Variants in PDCD10 observed in about 807,000 individuals in gnomAD.
PDCD10 encodes programmed cell death protein 10.
PDCD10 carries 4 observed loss-of-function variants against 29.2 expected under a neutral mutation model. The ratio of observed to expected loss-of-function variants is 0.14; its 90% CI spans 0.07 to 0.31. The LOEUF (loss-of-function observed/expected upper bound fraction) is 0.31, where lower values mean the gene tolerates loss of function less well. PDCD10 is among the 10% of genes least tolerant of loss of function. The pLI is 1.00. For missense variants in PDCD10, 183 were observed against 257.9 expected, an observed-to-expected ratio of 0.71 and a Z score of 1.99; for synonymous variants, 70 against 82.2, an observed-to-expected ratio of 0.85 and a Z score of 0.80.
intron 3 of PDCD10, among the ~76,000 whole-genome samples, chr3:167,713,955 G>C (rs1722764764): frequency 6.6e-6 from 1 of 151,966 alleles, no homozygotes; most frequent in Admixed American, 6.6e-5. Context: ...TGGCTTCACT[G>C]CTGAATTCTG....
rs778262429 is a variant in PDCD10 at position 167,684,175 on chromosome 3, T to C, written c.*133A>G. ...ACAAAAATATGGTGTAAGATGGCAA[T>C]AATCCCATTCAACATCCTGGATTAG... On this transcript the variant is annotated 3_prime_UTR_variant, in exon 9 of 9. Coordinates refer to ENST00000392750, the MANE Select transcript of PDCD10 (RefSeq NM_007217.4). The C allele has an allele frequency of 7.6e-6, 5 of 659,094 alleles. No individual in the cohort carries two copies. The highest frequency in any genetic ancestry group is 1.4e-5 in the Non-Finnish European group (5 of 356,302). The allele number at this position is 659,094 out of a possible 1,614,324, so 40.8% of individuals were successfully genotyped here. A position where few individuals can be genotyped will look rare whatever the true frequency, so the allele number is the denominator to read the frequency against.
At chr3:167,685,456 AATCC>A (rs1719514348) in intron 8 of PDCD10, among the ~76,000 whole-genome samples, 4 of 151,852 alleles carry the variant, frequency 2.6e-5, no homozygotes, top group Admixed American at 2.6e-4. Flanking sequence ...AATCAATGCA[AATCC>A]ATCCCCCTAC....
chr3:167,721,492 T>C (rs945139178), intron 2 of PDCD10, among the ~76,000 whole-genome samples: 1 of 152,206 alleles, frequency 6.6e-6, no homozygotes, highest in Non-Finnish European at 1.5e-5. Flanking sequence ...AGGTATGAAG[T>C]GCAGTTCCTA....
chr3:167,696,477 A>G (rs1191976497), intron 5 of PDCD10, among the ~76,000 whole-genome samples: 3 of 152,340 alleles, frequency 2.0e-5, no homozygotes, highest in African/African-American at 4.8e-5. Context: ...CTGGGAAATT[A>G]TATGTCCATA....
rs1307939409 is a variant in PDCD10 at position 167,684,376 on chromosome 3, A to T, written c.571T>A (p.Phe191Ile). ...TGAATTAGTCGGTTGGCACTTACGA[A>T]CACATTTATTGCCCTGTTTAAAAAG... Reference protein sequence around the residue: ...YFKDGKAINVFVSANRLIHQT... With the variant: ...YFKDGKAINVIVSANRLIHQT... The change falls in exon 9 of 9, where the codon TTC becomes ATC. Residue 191 changes from phenylalanine to isoleucine, a missense_variant. Physicochemically the swap from Phe to Ile is conservative, Grantham distance 21 (BLOSUM62 0). Coordinates refer to ENST00000392750, the MANE Select transcript of PDCD10 (RefSeq NM_007217.4). The T allele has an allele frequency of 6.9e-6, 11 of 1,596,272 alleles. No homozygotes were observed. The highest frequency in any genetic ancestry group is 9.4e-6 in the Non-Finnish European group (11 of 1,164,216).
chr3:167,732,125 T>A (rs745544555), intron 2 of PDCD10, among the ~76,000 whole-genome samples: 12 of 152,202 alleles, frequency 7.9e-5, no homozygotes, highest in Non-Finnish European at 1.0e-4. Flanking sequence ...CTTCTTCTCA[T>A]GTAAATAATC....
At chr3:167,724,745 C>G (rs1173741898) in intron 2 of PDCD10, among the ~76,000 whole-genome samples, 3 of 152,112 alleles carry the variant, frequency 2.0e-5, no homozygotes, top group African/African-American at 7.2e-5. Context: ...ATCACTGGAA[C>G]CAAAATTCAG....
chr3:167,722,873 C>T (rs549522419), intron 2 of PDCD10, among the ~76,000 whole-genome samples: 1 of 152,262 alleles, frequency 6.6e-6, no homozygotes, highest in African/African-American at 2.4e-5. Flanking sequence ...TAAATACTGG[C>T]ATTTAATATT....
intron 2 of PDCD10, among the ~76,000 whole-genome samples, chr3:167,728,232 T>C (rs891101620): frequency 1.3e-4 from 18 of 136,610 alleles, no homozygotes; most frequent in Admixed American, 1.2e-3. Context: ...TGTGCAGTTC[T>C]CAATAAAAAA....
rs151267430 is a variant in PDCD10 at position 167,684,373 on chromosome 3, C to A, written c.574G>T (p.Val192Leu). Reference sequence around the variant, plus strand: ...TGATGAATTAGTCGGTTGGCACTTACGAACACATTTATTGCCCTGTTTAAA... The same window carrying A: ...TGATGAATTAGTCGGTTGGCACTTAAGAACACATTTATTGCCCTGTTTAAA... Reference protein sequence around the residue: ...FKDGKAINVFVSANRLIHQTN... With the variant: ...FKDGKAINVFLSANRLIHQTN... Residue 192 changes from valine to leucine, a missense_variant, in exon 9 of 9, where the codon GTA (valine) becomes TTA (leucine). Transcript: ENST00000392750. 2 of 1,597,752 alleles carry A rather than the reference C, an allele frequency of 1.3e-6. No individual in the cohort carries two copies. The highest frequency in any genetic ancestry group is 2.2e-5 in the East Asian group (1 of 44,626).
At chr3:167,702,151 A>G (rs1482387953) in intron 4 of PDCD10, among the ~76,000 whole-genome samples, 3 of 152,172 alleles carry the variant, frequency 2.0e-5, no homozygotes, top group African/African-American at 7.2e-5. Context: ...CAAAGCAAAT[A>G]AGTCAGAAAT....
At chr3:167,716,816 T>C (rs1039378282) in intron 3 of PDCD10, among the ~76,000 whole-genome samples, 8 of 151,986 alleles carry the variant, frequency 5.3e-5, no homozygotes, top group Admixed American at 6.6e-5. Context: ...AATTCACATT[T>C]AGTTGCAAAA....
chr3:167,713,663 C>A (rs1348206749), intron 3 of PDCD10, among the ~76,000 whole-genome samples: 1 of 151,554 alleles, frequency 6.6e-6, no homozygotes, highest in African/African-American at 2.4e-5. Flanking sequence ...CAACTTTAAA[C>A]CAACTAAGAA....
In PDCD10 at chr3:167,717,328, C is replaced by A. The variant is rs557236261; in HGVS notation, c.96+2734G>T. Among the ~76,000 whole-genome samples, 5 of 152,040 alleles carry A rather than the reference C, an allele frequency of 3.3e-5. No homozygotes were observed. In the East Asian group the frequency reaches 9.7e-4, roughly 29 times the overall value. On this transcript the variant is annotated intron_variant, in intron 3 of 8. Coordinates refer to ENST00000392750, the MANE Select transcript of PDCD10 (RefSeq NM_007217.4). ...ACCATTGTAGCTATCATGGATCTAA[C>A]GTTAAGGTGAGAAGGAATAATCATT...
At chr3:167,698,149 GTTTCTCAT>G (rs1721000641) in intron 4 of PDCD10, among the ~76,000 whole-genome samples, 1 of 151,972 alleles carries the variant, frequency 6.6e-6, no homozygotes, top group African/African-American at 2.4e-5. Flanking sequence ...ATAACATCTT[GTTTCTCAT>G]TAGATCTCAA....
chr3:167,726,300 T>C (rs1724172863), intron 2 of PDCD10, among the ~76,000 whole-genome samples: 1 of 151,920 alleles, frequency 6.6e-6, no homozygotes, highest in Admixed American at 6.6e-5. Flanking sequence ...GGTTTCACCA[T>C]GTTGGTCAGT....
At chr3:167,715,770 G>T (rs1047570390) in intron 3 of PDCD10, among the ~76,000 whole-genome samples, 1 of 151,952 alleles carries the variant, frequency 6.6e-6, no homozygotes, top group Non-Finnish European at 1.5e-5. Flanking sequence ...AACAAATGCT[G>T]GTAAGGATAT....
chr3:167,687,073 T>A lies in PDCD10; in HGVS notation c.557+161A>T, dbSNP rs980070087. 45 of 555,428 alleles carry A rather than the reference T, an allele frequency of 8.1e-5. 1 individual carries two copies. The highest frequency in any genetic ancestry group is 1.2e-4 in the Non-Finnish European group (37 of 311,666). 34.4% of individuals were successfully genotyped at this position (555,428 alleles called of 1,614,324 possible). A position where few individuals can be genotyped will look rare whatever the true frequency, so the allele number is the denominator to read the frequency against. On this transcript the variant is annotated intron_variant, in intron 8 of 8. Coordinates refer to ENST00000392750, the MANE Select transcript of PDCD10 (RefSeq NM_007217.4). The stretch of plus-strand genomic sequence containing the variant: ...TTCTAGAAAGGAGTTATGGCTAGAT[T>A]AGCAACCATTCATTTTCTATTGTTA...
At position 167,683,440 on chromosome 3, in the gene PDCD10, C is replaced by G. The variant is rs938256408; in HGVS notation, c.*868G>C. 1 of 151,922 alleles carries G rather than the reference C, an allele frequency of 6.6e-6. No individual in the cohort carries two copies. The highest frequency in any genetic ancestry group is 2.4e-5 in the African/African-American group (1 of 41,396). The allele number at this position is 151,922 out of a possible 1,614,324, so 9.4% of individuals were successfully genotyped here. A position where few individuals can be genotyped will look rare whatever the true frequency, so the allele number is the denominator to read the frequency against. On this transcript the variant is annotated 3_prime_UTR_variant, in exon 9 of 9. Coordinates refer to ENST00000392750, the MANE Select transcript of PDCD10 (RefSeq NM_007217.4). ...GTGTATATAATATTAACACTCATGA[C>G]AATTTCAATCCAACCGTTGATATAG... is the stretch of plus-strand genomic sequence containing the variant.
Sources: allele counts gnomAD v4.1 joint callset (sites outside exome capture counted in the v4.1 genomes callset), GRCh38; gene constraint gnomAD v4.1.1; transcripts MANE v1.5; gene names NCBI Gene and HGNC (gene_info 2026-07-23, HGNC 2026-07-21).